The following NELL2 variants were observed in gnomAD, a reference collection of about 807,000 sequenced individuals.
NELL2 encodes neural EGFL like 2.
A neutral mutation model predicts 109.6 loss-of-function variants in NELL2; 41 were observed. That is an observed-to-expected ratio of 0.37 (90% CI 0.29 to 0.49). NELL2 has a LOEUF of 0.49. NELL2 is among the 20% of genes least tolerant of loss of function. The pLI, the probability that NELL2 is intolerant of heterozygous loss-of-function variation, is 0.98. For synonymous variants in NELL2, 355 were observed against 344.7 expected, an observed-to-expected ratio of 1.03 and a Z score of -0.33; for missense variants, 900 against 1,008.3, an observed-to-expected ratio of 0.89 and a Z score of 1.45.
chr12:44,811,885 C>T (rs1489600959), intron 3 of NELL2, among the ~76,000 whole-genome samples: 2 of 151,926 alleles, frequency 1.3e-5, no homozygotes, highest in African/African-American at 2.4e-5. Context: ...ATAGCTCAAG[C>T]TCTTGCTCTT....
intron 12 of NELL2, among the ~76,000 whole-genome samples, chr12:44,698,920 C>T (rs1949139374): frequency 6.6e-6 from 1 of 152,054 alleles, no homozygotes; most frequent in Admixed American, 6.6e-5. Flanking sequence ...AGCTGTCATC[C>T]CCAGCAACTA....
At chr12:44,607,135 A>G in intron 15 of NELL2, 34 bp downstream of exon 15, 2 of 1,569,654 alleles carry the variant, frequency 1.3e-6, no homozygotes, top group Non-Finnish European at 1.7e-6. Context: ...TGGCATAAAA[A>G]TTCATTTTCT....
At chr12:44,854,807 A>T (rs146415719) in intron 2 of NELL2, among the ~76,000 whole-genome samples, 1,607 of 152,076 alleles carry the variant, frequency 0.011, 28 homozygotes, top group African/African-American at 0.037. Context: ...CCAAAAAAAA[A>T]AGTTACTTAA....
At chr12:44,732,780 G>C (rs1489590017) in intron 9 of NELL2, among the ~76,000 whole-genome samples, 1 of 151,924 alleles carries the variant, frequency 6.6e-6, no homozygotes, top group Non-Finnish European at 1.5e-5. Flanking sequence ...TGGAATGCGA[G>C]AAAATATGCA....
At chr12:44,711,658 A>T (rs183466675) in intron 10 of NELL2, among the ~76,000 whole-genome samples, 96 of 152,200 alleles carry the variant, frequency 6.3e-4, no homozygotes, top group African/African-American at 2.2e-3. Flanking sequence ...ACATCTGGGT[A>T]ATCCTGGAAA....
chr12:44,717,630 C>T (rs775646078), intron 9 of NELL2, among the ~76,000 whole-genome samples: 11 of 152,178 alleles, frequency 7.2e-5, no homozygotes, highest in Non-Finnish European at 1.5e-4. Context: ...AAGGGATCAT[C>T]ATTACCCTAA....
chr12:44,691,827 C>A (rs1188081163), intron 12 of NELL2, among the ~76,000 whole-genome samples: 1 of 152,140 alleles, frequency 6.6e-6, no homozygotes, highest in Non-Finnish European at 1.5e-5. Flanking sequence ...CTCTTCAATT[C>A]TAGAAGGCTG....
intron 19 of NELL2, among the ~76,000 whole-genome samples, chr12:44,516,214 A>G (rs1326768459): frequency 6.6e-6 from 1 of 152,080 alleles, no homozygotes; most frequent in Non-Finnish European, 1.5e-5. Flanking sequence ...CAAAGTTACT[A>G]TAACTTATTT....
intron 1 of NELL2, among the ~76,000 whole-genome samples, chr12:44,900,665 G>A (rs967190718): frequency 2.0e-5 from 3 of 152,126 alleles, no homozygotes; most frequent in Non-Finnish European, 2.9e-5. Flanking sequence ...AAGTGGGAAT[G>A]ATCTAAAATT....
At chr12:44,819,263 C>T (rs1943463686) in intron 2 of NELL2, among the ~76,000 whole-genome samples, 1 of 151,998 alleles carries the variant, frequency 6.6e-6, no homozygotes, top group African/African-American at 2.4e-5. Context: ...TCTCTAGTGG[C>T]CATGTGGAAT....
At chr12:44,598,854 T>TACACACACAC (rs754118280) in intron 15 of NELL2, among the ~76,000 whole-genome samples, 6,678 of 117,920 alleles carry the variant, frequency 0.057, 211 homozygotes, top group Non-Finnish European at 0.066. Context: ...AAGAAAGAAA[T>TACACACACAC]ACACACACAC....
At chr12:44,582,120 CTGGGAAGGG>C (rs1485237798) in intron 15 of NELL2, among the ~76,000 whole-genome samples, 1 of 152,082 alleles carries the variant, frequency 6.6e-6, no homozygotes, top group Admixed American at 6.6e-5. Flanking sequence ...TGGGTAAAGA[CTGGGAAGGG>C]TGCTTTGACA....
At chr12:44,703,978 C>CA in intron 11 of NELL2, 124 bp from the exon 12 acceptor site, 1 of 756,116 alleles carries the variant, frequency 1.3e-6, no homozygotes, top group Non-Finnish European at 2.1e-6. Context: ...TTAGTATCTT[C>CA]ATCAACATTT....
chr12:44,550,550 A>AATAC (rs1943002196), intron 15 of NELL2, among the ~76,000 whole-genome samples: 1 of 117,306 alleles, frequency 8.5e-6, no homozygotes, highest in South Asian at 2.5e-4. Context: ...TCTCAACATA[A>AATAC]ATAAATAAAT....
chr12:44,801,734 T>C lies in NELL2; in HGVS notation c.335+14252A>G, dbSNP rs188180630. ...CCTGACACAGGGTAGGCGCTGAAAG[T>C]GTTAACCCTTGCAATGAAGGGAAAA... On this transcript the variant is annotated intron_variant, in intron 3 of 19. Coordinates refer to ENST00000429094, the MANE Select transcript of NELL2 (RefSeq NM_001145108.2). Among the ~76,000 whole-genome samples the C allele has an allele frequency of 1.8e-3, 274 of 152,260 alleles. 1 individual carries two copies. Among genetic ancestry groups the C allele is most frequent in the African/African-American group, 6.2e-3 (259 of 41,572 alleles).
In NELL2 at chr12:44,800,482, C is replaced by T. The variant is rs560840468; in HGVS notation, c.335+15504G>A. Among the ~76,000 whole-genome samples, 4 of 152,214 alleles carry T rather than the reference C, an allele frequency of 2.6e-5. No individual in the cohort carries two copies. In the East Asian group the frequency reaches 7.7e-4, roughly 29 times the overall value. ...AGGGATGACTGCAATTGCACGCTTT[C>T]AAAGAACAAAGAATTTTTAGGAAGA... On this transcript the variant is annotated intron_variant, in intron 3 of 19. Coordinates refer to ENST00000429094, the MANE Select transcript of NELL2 (RefSeq NM_001145108.2).
At chr12:44,865,051 T>C (rs928087736) in intron 2 of NELL2, among the ~76,000 whole-genome samples, 49 of 135,612 alleles carry the variant, frequency 3.6e-4, no homozygotes, top group Non-Finnish European at 5.7e-4. Context: ...GACTTTTTAA[T>C]GATTGCCATT....
At chr12:44,910,658 G>T (rs966973262) in intron 1 of NELL2, among the ~76,000 whole-genome samples, 4 of 151,892 alleles carry the variant, frequency 2.6e-5, no homozygotes, top group African/African-American at 7.3e-5. Flanking sequence ...ACATGTACAT[G>T]TATGTTCATT....
intron 13 of NELL2, among the ~76,000 whole-genome samples, chr12:44,650,812 A>T (rs777811990): frequency 3.9e-5 from 6 of 152,174 alleles, no homozygotes; most frequent in Non-Finnish European, 8.8e-5. Context: ...CCACATGAGG[A>T]CACAGTGAAA....
Sources: allele counts gnomAD v4.1 joint callset (sites outside exome capture counted in the v4.1 genomes callset), GRCh38; gene constraint gnomAD v4.1.1; transcripts MANE v1.5; gene names NCBI Gene and HGNC (gene_info 2026-07-23, HGNC 2026-07-21).